The following COL23A1 variants were observed in gnomAD, a reference collection of about 807,000 sequenced individuals.
COL23A1 encodes the protein collagen alpha-1(XXIII) chain.
Under a neutral mutation model 99.3 loss-of-function variants are expected in COL23A1, and 97 were observed. That is an observed-to-expected ratio of 0.98 (90% CI 0.83 to 1.16). COL23A1 has a LOEUF of 1.16. COL23A1 is among the 50% of genes most tolerant of loss of function. COL23A1 has a pLI of 0.00. For synonymous variants in COL23A1, 320 were observed against 308.2 expected (o/e 1.04, Z -0.40); for missense variants, 762 against 757.4 (o/e 1.01, Z -0.07).
chr5:178,309,340 T>G lies in COL23A1; in HGVS notation c.362-2421A>C, dbSNP rs750680847. 4.6e-4 allele frequency among the ~76,000 whole-genome samples: 70 copies of G among 152,078 alleles called. No individual in the cohort carries two copies. Among genetic ancestry groups the G allele is most frequent in the Non-Finnish European group, 9.6e-4 (65 of 67,970 alleles). On this transcript the variant is annotated intron_variant, in intron 2 of 28. Transcript: ENST00000390654. The surrounding 1 kb of genome is among the most constrained non-coding windows in gnomAD (Gnocchi z 4.7). ...CCCAGGGTCACTGGGCGATGCCCCC[T>G]GCAGGCCTGGAGCTGGGCAGGACTG...
At chr5:178,537,241 G>GT (rs1761020651) in intron 2 of COL23A1, among the ~76,000 whole-genome samples, 1 of 152,124 alleles carries the variant, frequency 6.6e-6, no homozygotes, top group Non-Finnish European at 1.5e-5. Flanking sequence ...GCTTGTAGAC[G>GT]TGCCATCAGG....
At chr5:178,475,661 T>G (rs1391809211) in intron 2 of COL23A1, among the ~76,000 whole-genome samples, 1 of 152,234 alleles carries the variant, frequency 6.6e-6, no homozygotes, top group East Asian at 1.9e-4. Flanking sequence ...TCACAGTTTC[T>G]ATAGGTCACA....
intron 8 of COL23A1, 104 bp from the exon 9 acceptor site, chr5:178,263,428 C>T: frequency 1.4e-6 from 1 of 707,970 alleles, no homozygotes; most frequent in Non-Finnish European, 2.4e-6. Flanking sequence ...TTCCCCAGCC[C>T]TTGGGCAGGC....
intron 2 of COL23A1, among the ~76,000 whole-genome samples, chr5:178,358,503 ATATGTGTGTATG>A (rs1561898143): frequency 4.3e-5 from 4 of 93,518 alleles, no homozygotes; most frequent in African/African-American, 1.7e-4. Flanking sequence ...GTATGCGTGT[ATATGTGTGTATG>A]TGTGTATGTA....
At position 178,267,300 on chromosome 5, in the gene COL23A1, T is replaced by TTCTTACCCGGGGG; in HGVS notation, c.516_522+6dup. ...GGGCAGTGAGGGAGGTCATGCCTGG[T>TTCTTACCCGGGGG]TCTTACCCGGGGGCCAAAGTCTCCT... is the stretch of plus-strand genomic sequence containing the variant. On this transcript the variant is annotated splice_region_variant and intron_variant, in intron 8 of 28. Transcript: ENST00000390654. 6.2e-7 allele frequency: 1 copy of TTCTTACCCGGGGG among 1,614,042 alleles called. No homozygotes were observed. The highest frequency in any genetic ancestry group is 8.5e-7 in the Non-Finnish European group (1 of 1,179,976).
intron 2 of COL23A1, among the ~76,000 whole-genome samples, chr5:178,345,890 G>A (rs1448857988): frequency 1.3e-5 from 2 of 151,986 alleles, no homozygotes; most frequent in African/African-American, 2.4e-5. Flanking sequence ...GGGAGGACAT[G>A]GTCATTCACT....
At chr5:178,442,711 G>T (rs879262204) in intron 2 of COL23A1, among the ~76,000 whole-genome samples, 1 of 152,200 alleles carries the variant, frequency 6.6e-6, no homozygotes, top group African/African-American at 2.4e-5. Context: ...GAGAAGAATC[G>T]GAGTGGAACA....
chr5:178,257,014 GA>G (rs1765341684), intron 13 of COL23A1, 86 bp from the exon 14 acceptor site: 1 of 1,277,654 alleles, frequency 7.8e-7, no homozygotes. Context: ...GGGGTTGCCT[GA>G]AGCCTCGCGA....
Position 178,376,205 on chromosome 5 carries a change from T to C in COL23A1, c.362-69286A>G, listed in dbSNP as rs144536737. 2.4e-3 allele frequency among the ~76,000 whole-genome samples: 373 copies of C among 152,390 alleles called. 2 individuals are homozygous for C. Among genetic ancestry groups the C allele is most frequent in the African/African-American group, 8.7e-3 (360 of 41,596 alleles). ...CTAAAGTACTACAGGGCATGCTTATTATATTCATGATTTGTCTGTCCCCTT... is the reference window on the plus strand; with the variant it reads ...CTAAAGTACTACAGGGCATGCTTATCATATTCATGATTTGTCTGTCCCCTT... On this transcript the variant is annotated intron_variant, in intron 2 of 28. Transcript: ENST00000390654.
intron 2 of COL23A1, among the ~76,000 whole-genome samples, chr5:178,413,452 CT>C (rs1765150180): frequency 2.6e-5 from 4 of 152,180 alleles, no homozygotes; most frequent in African/African-American, 7.2e-5. Context: ...TCTCAGTAAA[CT>C]TTTCTTATAT....
intron 2 of COL23A1, chr5:178,523,677 C>T (rs757156543): frequency 6.6e-6 from 1 of 152,082 alleles, no homozygotes; most frequent in Non-Finnish European, 1.5e-5. Context: ...TAAGTGTTTC[C>T]ATCACCAACC....
rs1353236689 is a variant in COL23A1 at position 178,457,791 on chromosome 5, G to A, written c.361+102891C>T. Among the ~76,000 whole-genome samples the A allele has an allele frequency of 3.3e-5, 5 of 152,288 alleles. No homozygotes were observed. In the East Asian group the frequency reaches 9.6e-4, roughly 29 times the overall value. On this transcript the variant is annotated intron_variant, in intron 2 of 28. Coordinates refer to ENST00000390654, the MANE Select transcript of COL23A1 (RefSeq NM_173465.4). ...GTTAGGTGCTGCTGCTGAGAGGCAG[G>A]ATTTTCAGCCAGAGTAAAAGATCAT...
chr5:178,294,863 C>T (rs1431911399), intron 3 of COL23A1, among the ~76,000 whole-genome samples: 1 of 152,140 alleles, frequency 6.6e-6, no homozygotes, highest in Non-Finnish European at 1.5e-5. Flanking sequence ...CAACCTAGGC[C>T]GTGTGCGGTG....
intron 2 of COL23A1, among the ~76,000 whole-genome samples, chr5:178,550,551 C>A (rs1761943422): frequency 6.6e-6 from 1 of 152,164 alleles, no homozygotes; most frequent in African/African-American, 2.4e-5. Context: ...TCTGTTTCTA[C>A]TGCGTAATTT....
At chr5:178,403,436 A>G (rs1370187194) in intron 2 of COL23A1, among the ~76,000 whole-genome samples, 1 of 152,116 alleles carries the variant, frequency 6.6e-6, no homozygotes, top group African/African-American at 2.4e-5. Context: ...CAAACGCGTT[A>G]TCTCCATTAT....
chr5:178,288,058 T>A (rs1029436984), intron 5 of COL23A1, among the ~76,000 whole-genome samples: 2 of 152,174 alleles, frequency 1.3e-5, no homozygotes, highest in South Asian at 4.1e-4. Flanking sequence ...GGCTCTTGGC[T>A]GGACTTACTG....
intron 2 of COL23A1, among the ~76,000 whole-genome samples, chr5:178,317,035 C>G (rs1759019561): frequency 6.6e-6 from 1 of 152,108 alleles, no homozygotes; most frequent in Non-Finnish European, 1.5e-5. Flanking sequence ...AAAACTCAGA[C>G]TAATGTTTGA....
Position 178,255,005 on chromosome 5 carries a change from CG to C in COL23A1, c.903del (p.Glu302SerfsTer7), listed in dbSNP as rs1765228729. 1.2e-6 allele frequency: 2 copies of C among 1,613,498 alleles called. No individual in the cohort carries two copies. Among genetic ancestry groups the C allele is most frequent in the African/African-American group, 2.7e-5 (2 of 74,874 alleles). On this transcript the variant is annotated frameshift_variant, in exon 16 of 29. Transcript: ENST00000390654. LOFTEE classifies it high-confidence loss of function. The surrounding 1 kb of genome is among the most constrained non-coding windows in gnomAD (Gnocchi z 4.2). ...AGPRGAPGLK[G>X]EQGDTVVIDY... ...TCGATCACCACTGTGTCTCCCTGCT[CG>C]CCCTTGAGGCCTGGGGCACCCTGAG... is the stretch of plus-strand genomic sequence containing the variant.
intron 2 of COL23A1, among the ~76,000 whole-genome samples, chr5:178,540,423 A>G (rs1761223220): frequency 6.6e-6 from 1 of 152,242 alleles, no homozygotes; most frequent in Non-Finnish European, 1.5e-5. Context: ...ACACAAGTTC[A>G]CACACAAAAA....
Sources: allele counts gnomAD v4.1 joint callset (sites outside exome capture counted in the v4.1 genomes callset), GRCh38; gene constraint gnomAD v4.1.1; non-coding constraint Gnocchi (gnomAD v3.1); transcripts MANE v1.5; gene names NCBI Gene and HGNC (gene_info 2026-07-23, HGNC 2026-07-21).